Variants in AGBL4 observed in about 807,000 individuals in gnomAD.
AGBL4 encodes the protein AGBL carboxypeptidase 4, also known as cytosolic carboxypeptidase 6.
AGBL4 carries 58 observed loss-of-function variants against 66.4 expected under a neutral mutation model. That is an observed-to-expected ratio of 0.87 (90% CI 0.71 to 1.09). The LOEUF (loss-of-function observed/expected upper bound fraction) is 1.09, where lower values mean the gene tolerates loss of function less well. Ranked by LOEUF, AGBL4 falls within the 50% of genes least tolerant of loss-of-function variation. The pLI is 0.00. For synonymous variants in AGBL4, 234 were observed against 222.9 expected (o/e 1.05, Z -0.44); for missense variants, 579 against 631.0 (o/e 0.92, Z 0.88).
chr1:49,813,530 T>C (rs1443371532), intron 2 of AGBL4, among the ~76,000 whole-genome samples: 3 of 152,146 alleles, frequency 2.0e-5, no homozygotes, highest in Non-Finnish European at 4.4e-5. Context: ...GACTCTATAA[T>C]ACCCTATACA....
intron 3 of AGBL4, among the ~76,000 whole-genome samples, chr1:49,622,400 C>G (rs970910632): frequency 6.6e-6 from 1 of 151,760 alleles, no homozygotes; most frequent in African/African-American, 2.4e-5. Context: ...GAGGCCGAGG[C>G]GGGCGGATCA....
At chr1:49,923,760 T>G (rs1165925764) in intron 1 of AGBL4, among the ~76,000 whole-genome samples, 1 of 151,842 alleles carries the variant, frequency 6.6e-6, no homozygotes. Context: ...AAAACCACAA[T>G]GAGATACCAT....
chr1:48,928,688 T>C (rs1457208421), intron 5 of AGBL4, among the ~76,000 whole-genome samples: 2 of 152,278 alleles, frequency 1.3e-5, no homozygotes, highest in East Asian at 1.9e-4. Flanking sequence ...CTCTGGGCCT[T>C]AGTTGTCTCA....
chr1:49,133,134 A>T (rs1176992605), intron 4 of AGBL4, among the ~76,000 whole-genome samples: 1 of 152,208 alleles, frequency 6.6e-6, no homozygotes, highest in Admixed American at 6.5e-5. Flanking sequence ...AAACTAACAC[A>T]GTAACAGAAA....
At chr1:48,907,500 G>A (rs1652710868) in intron 5 of AGBL4, among the ~76,000 whole-genome samples, 1 of 152,100 alleles carries the variant, frequency 6.6e-6, no homozygotes, top group Admixed American at 6.5e-5. Context: ...GTTCCATTCT[G>A]GAGCAAGCCA....
At chr1:48,691,529 A>G (rs1646632357) in intron 6 of AGBL4, among the ~76,000 whole-genome samples, 1 of 152,130 alleles carries the variant, frequency 6.6e-6, no homozygotes, top group South Asian at 2.1e-4. Context: ...TAAGAATGAG[A>G]ATGTTCGCTC....
intron 6 of AGBL4, among the ~76,000 whole-genome samples, chr1:48,702,518 C>CT (rs1376682949): frequency 6.6e-6 from 1 of 152,110 alleles, no homozygotes; most frequent in East Asian, 1.9e-4. Flanking sequence ...TCTCGAACTC[C>CT]TGACCTCAAA....
intron 6 of AGBL4, among the ~76,000 whole-genome samples, chr1:48,827,050 C>T (rs1263327940): frequency 6.6e-6 from 1 of 152,144 alleles, no homozygotes; most frequent in East Asian, 1.9e-4. Context: ...TCTTGTTTGT[C>T]CTTCAAGATT....
chr1:48,831,971 T>C (rs990161409), intron 6 of AGBL4, among the ~76,000 whole-genome samples: 2 of 152,182 alleles, frequency 1.3e-5, no homozygotes, highest in African/African-American at 4.8e-5. Flanking sequence ...AGGCAATGTG[T>C]TAGGTAGAAC....
At chr1:49,130,381 C>A (rs951364795) in intron 4 of AGBL4, among the ~76,000 whole-genome samples, 3 of 152,120 alleles carry the variant, frequency 2.0e-5, no homozygotes, top group Non-Finnish European at 4.4e-5. Context: ...GACATGAAGT[C>A]CTTGCCCATG....
At chr1:48,743,735 A>G (rs765865399) in intron 6 of AGBL4, among the ~76,000 whole-genome samples, 11 of 152,218 alleles carry the variant, frequency 7.2e-5, no homozygotes, top group Non-Finnish European at 1.6e-4. Context: ...CATGTGGACA[A>G]CTGGGTACAA....
chr1:49,054,846 T>C (rs1209999166), intron 4 of AGBL4, among the ~76,000 whole-genome samples: 1 of 152,020 alleles, frequency 6.6e-6, no homozygotes, highest in African/African-American at 2.4e-5. Flanking sequence ...TTTTTCTTTA[T>C]TATTGTTAAT....
At chr1:49,288,901 T>C (rs1397989169) in intron 3 of AGBL4, among the ~76,000 whole-genome samples, 1 of 152,108 alleles carries the variant, frequency 6.6e-6, no homozygotes, top group Non-Finnish European at 1.5e-5. Flanking sequence ...AAATCCTCTC[T>C]AGAGGAAAAT....
intron 6 of AGBL4, among the ~76,000 whole-genome samples, chr1:48,851,170 T>G (rs1261610648): frequency 6.6e-6 from 1 of 152,182 alleles, no homozygotes; most frequent in Non-Finnish European, 1.5e-5. Context: ...ACCAGAGCCC[T>G]TATCCGTAGT....
At chr1:49,429,194 T>C (rs1013641367) in intron 3 of AGBL4, among the ~76,000 whole-genome samples, 3 of 152,182 alleles carry the variant, frequency 2.0e-5, no homozygotes, top group African/African-American at 7.2e-5. Flanking sequence ...ATTTTTTACT[T>C]TGTGGGTTAT....
chr1:49,864,241 A>T (rs1271548510), intron 1 of AGBL4, among the ~76,000 whole-genome samples: 2 of 152,230 alleles, frequency 1.3e-5, no homozygotes, highest in Non-Finnish European at 1.5e-5. Flanking sequence ...AGAGAGTAGA[A>T]GAATGGTTAC....
chr1:49,046,026 C>T (rs1291380719), intron 4 of AGBL4, among the ~76,000 whole-genome samples: 2 of 152,144 alleles, frequency 1.3e-5, no homozygotes, highest in Non-Finnish European at 2.9e-5. Flanking sequence ...CTGGAAAATG[C>T]AAAGTTAAAC....
In AGBL4 at chr1:48,867,175, G is replaced by A. The variant is rs775854304; in HGVS notation, c.634+16C>T. ...AATAAGGGAAAAGCAAAGGCAGAAG[G>A]GCCACGCCTACTCACCAGGGCTGGT... is the stretch of plus-strand genomic sequence containing the variant. On this transcript the variant is annotated intron_variant, in intron 6 of 13. Transcript: ENST00000371839. 1.2e-6 allele frequency: 2 copies of A among 1,612,920 alleles called. No individual in the cohort carries two copies. Among genetic ancestry groups the A allele is most frequent in the Non-Finnish European group, 1.7e-6 (2 of 1,179,382 alleles).
chr1:49,116,809 A>G (rs1290296909), intron 4 of AGBL4, among the ~76,000 whole-genome samples: 2 of 152,212 alleles, frequency 1.3e-5, no homozygotes, highest in Non-Finnish European at 2.9e-5. Flanking sequence ...GGCTTCCACA[A>G]TGGTTGAACT....
Sources: allele counts gnomAD v4.1 joint callset (sites outside exome capture counted in the v4.1 genomes callset), GRCh38; gene constraint gnomAD v4.1.1; transcripts MANE v1.5; gene names NCBI Gene and HGNC (gene_info 2026-07-23, HGNC 2026-07-21).